IL1RAPL1: variants seen among roughly 807,000 people sequenced by gnomAD.
IL1RAPL1 encodes interleukin-1 receptor accessory protein-like 1.
Under a neutral mutation model 48.4 loss-of-function variants are expected in IL1RAPL1, and 3 were observed. That is an observed-to-expected ratio of 0.06 (90% confidence interval 0.03 to 0.16). The LOEUF (loss-of-function observed/expected upper bound fraction) is 0.16, where lower values mean the gene tolerates loss of function less well. Among genes scored for constraint, IL1RAPL1 ranks in the 10% least tolerant of loss-of-function variants. The pLI, the probability that IL1RAPL1 is intolerant of heterozygous loss-of-function variation, is 1.00. For missense variants in IL1RAPL1, 349 were observed against 530.6 expected, an observed-to-expected ratio of 0.66 and a Z score of 3.36; for synonymous variants, 185 against 187.7, an observed-to-expected ratio of 0.99 and a Z score of 0.12.
At chrX:29,080,212 C>A (rs188255184) in intron 2 of IL1RAPL1, among the ~76,000 whole-genome samples, 72 of 109,255 alleles carry the variant, frequency 6.6e-4, no homozygotes, top group Middle Eastern at 9.3e-3. Flanking sequence ...CAAAGTGAGA[C>A]CCCATCTCTA....
At chrX:28,891,782 A>C (rs1462113933) in intron 2 of IL1RAPL1, among the ~76,000 whole-genome samples, 1 of 111,220 alleles carries the variant, frequency 9.0e-6, no homozygotes, top group Non-Finnish European at 1.9e-5. Flanking sequence ...TTTGTGTTTA[A>C]AGTATTGAGG....
chrX:29,392,352 C>T (rs912301301), intron 3 of IL1RAPL1, among the ~76,000 whole-genome samples: 3 of 111,953 alleles, frequency 2.7e-5, no homozygotes, highest in Non-Finnish European at 5.6e-5. Context: ...GCAGTTATGT[C>T]GCGAGTTTGA....
At chrX:29,580,021 T>A (rs1343644715) in intron 5 of IL1RAPL1, among the ~76,000 whole-genome samples, 1 of 111,491 alleles carries the variant, frequency 9.0e-6, no homozygotes, top group Non-Finnish European at 1.9e-5. Flanking sequence ...TGAAATAAAA[T>A]CAGATAAAGG....
At chrX:29,392,209 T>C (rs1234381648) in intron 3 of IL1RAPL1, among the ~76,000 whole-genome samples, 2 of 112,468 alleles carry the variant, frequency 1.8e-5, no homozygotes, top group Admixed American at 9.4e-5. Context: ...TTGTGTAGAC[T>C]GCAGCTCATC....
At chrX:28,828,004 CT>C (rs1194146180) in intron 2 of IL1RAPL1, among the ~76,000 whole-genome samples, 1 of 111,115 alleles carries the variant, frequency 9.0e-6, no homozygotes, top group East Asian at 2.8e-4. Flanking sequence ...GTTTACTCTT[CT>C]TTTTTTTGAC....
At chrX:29,608,258 A>G (rs983814274) in intron 5 of IL1RAPL1, among the ~76,000 whole-genome samples, 1 of 111,705 alleles carries the variant, frequency 9.0e-6, no homozygotes, top group South Asian at 3.8e-4. Context: ...AGAAGCTTCC[A>G]GGCCTCTTAA....
At chrX:28,864,094 A>T (rs1444054293) in intron 2 of IL1RAPL1, among the ~76,000 whole-genome samples, 1 of 112,112 alleles carries the variant, frequency 8.9e-6, no homozygotes, top group East Asian at 2.8e-4. Context: ...AGATTTTTAG[A>T]AATATCCAAA....
intron 6 of IL1RAPL1, among the ~76,000 whole-genome samples, chrX:29,673,204 G>T (rs1274096943): frequency 8.9e-6 from 1 of 111,732 alleles, no homozygotes; most frequent in African/African-American, 3.3e-5. Flanking sequence ...GTAAACTTGG[G>T]AAATCTTTTT....
At chrX:29,451,222 C>G (rs1444792739) in intron 5 of IL1RAPL1, among the ~76,000 whole-genome samples, 1 of 103,318 alleles carries the variant, frequency 9.7e-6, no homozygotes, top group African/African-American at 3.6e-5. Context: ...GAGTCTTACT[C>G]TGTTGCCCAG....
chrX:29,582,197 A>G (rs569650764), intron 5 of IL1RAPL1, among the ~76,000 whole-genome samples: 3 of 111,118 alleles, frequency 2.7e-5, no homozygotes, highest in African/African-American at 9.8e-5. Context: ...TTATTACATA[A>G]TCCTAAAAAT....
intron 2 of IL1RAPL1, among the ~76,000 whole-genome samples, chrX:29,064,503 T>C (rs1177068624): frequency 1.8e-5 from 2 of 112,080 alleles, no homozygotes. Context: ...TGATGTATTT[T>C]AAAGAAGTTG....
At chrX:28,749,795 A>C (rs1056651527) in intron 1 of IL1RAPL1, among the ~76,000 whole-genome samples, 2 of 109,752 alleles carry the variant, frequency 1.8e-5, no homozygotes, top group Non-Finnish European at 3.8e-5. Context: ...CTATATTTTT[A>C]AGTTCTTATC....
chrX:29,220,434 C>T lies in IL1RAPL1; in HGVS notation c.83-62504C>T, dbSNP rs142175724. Among the ~76,000 whole-genome samples, 1,106 of 112,018 alleles carry T rather than the reference C, an allele frequency of 9.9e-3. 19 individuals are homozygous for T. The highest frequency in any genetic ancestry group is 0.034 in the African/African-American group (1,060 of 30,875). Reference sequence around the variant, plus strand: ...GGATAAGTTCTTGAAATTGAGTAAACGACAGAAATAGCATAGCTAGATTAT... The same window carrying T: ...GGATAAGTTCTTGAAATTGAGTAAATGACAGAAATAGCATAGCTAGATTAT... On this transcript the variant is annotated intron_variant, in intron 2 of 10. Coordinates refer to ENST00000378993, the MANE Select transcript of IL1RAPL1 (RefSeq NM_014271.4).
chrX:29,154,472 G>A (rs1466962860), intron 2 of IL1RAPL1, among the ~76,000 whole-genome samples: 4 of 109,952 alleles, frequency 3.6e-5, no homozygotes, highest in Admixed American at 9.8e-5. Flanking sequence ...CCCAGGAGGC[G>A]GAGGTTGCAG....
At chrX:29,347,287 T>C (rs1000084014) in intron 3 of IL1RAPL1, among the ~76,000 whole-genome samples, 6 of 111,779 alleles carry the variant, frequency 5.4e-5, no homozygotes, top group Non-Finnish European at 1.1e-4. Flanking sequence ...AAAACTAGCA[T>C]GCATTTCTTT....
chrX:29,098,689 A>G (rs1358801956), intron 2 of IL1RAPL1, among the ~76,000 whole-genome samples: 1 of 111,971 alleles, frequency 8.9e-6, no homozygotes, highest in Non-Finnish European at 1.9e-5. Context: ...TTTGAGAAGC[A>G]CTGTGTTGGA....
chrX:29,483,923 C>T (rs1289641901), intron 5 of IL1RAPL1, among the ~76,000 whole-genome samples: 1 of 108,305 alleles, frequency 9.2e-6, no homozygotes, highest in Non-Finnish European at 1.9e-5. Flanking sequence ...GAACTCCTGG[C>T]CTCGAGCAAT....
chrX:29,848,158 G>C (rs1931286445), intron 6 of IL1RAPL1, among the ~76,000 whole-genome samples: 2 of 111,335 alleles, frequency 1.8e-5, no homozygotes, highest in African/African-American at 6.5e-5. Context: ...GTAGGAGAGT[G>C]TGTACCTTTA....
chrX:29,573,497 G>T (rs1922661300), intron 5 of IL1RAPL1, among the ~76,000 whole-genome samples: 1 of 112,210 alleles, frequency 8.9e-6, no homozygotes, highest in Non-Finnish European at 1.9e-5. Context: ...GTGTCCTAAT[G>T]AAATGAGACT....
Sources: allele counts gnomAD v4.1 joint callset (sites outside exome capture counted in the v4.1 genomes callset), GRCh38; gene constraint gnomAD v4.1.1; transcripts MANE v1.5; gene names NCBI Gene and HGNC (gene_info 2026-07-23, HGNC 2026-07-21).